SERF2: variants seen among roughly 807,000 people sequenced by gnomAD.
The protein encoded by SERF2 is small EDRK-rich factor 2.
In SERF2, 4 loss-of-function variants were observed where a neutral mutation model predicts 10.7. The ratio of observed to expected loss-of-function variants is 0.37; its 90% CI spans 0.18 to 0.86. SERF2 has a LOEUF of 0.86. SERF2 is among the 40% of genes least tolerant of loss of function. The pLI, the probability that SERF2 is intolerant of heterozygous loss-of-function variation, is 0.43. For synonymous variants in SERF2, 26 were observed against 26.0 expected, an observed-to-expected ratio of 1.00 and a Z score of 0.01; for missense variants, 47 against 79.1, an observed-to-expected ratio of 0.59 and a Z score of 1.54.
intron 1 of SERF2, among the ~76,000 whole-genome samples, chr15:43,779,400 A>G (rs1233440563): frequency 6.6e-6 from 1 of 152,194 alleles, no homozygotes; most frequent in East Asian, 1.9e-4. Flanking sequence ...GATAAATCTG[A>G]GGCTTAGAGA....
At chr15:43,792,455 C>G in intron 1 of SERF2, 72 bp downstream of exon 1, 1 of 1,612,844 alleles carries the variant, frequency 6.2e-7, no homozygotes, top group South Asian at 1.1e-5. Flanking sequence ...GAGGCGCCGG[C>G]TTTGACCTTC....
At chr15:43,783,008 CT>C (rs61152230) in intron 1 of SERF2, among the ~76,000 whole-genome samples, 1,136 of 99,798 alleles carry the variant, frequency 0.011, 11 homozygotes, top group African/African-American at 0.04. Context: ...CCACACCTGG[CT>C]TTTTTTTTTT....
At position 43,794,955 on chromosome 15, in the gene SERF2, C is replaced by T. The variant is rs746466410; in HGVS notation, c.*1182C>T. 6.0e-5 allele frequency: 90 copies of T among 1,506,760 alleles called. No individual in the cohort carries two copies. The highest frequency in any genetic ancestry group is 4.5e-6 in the Non-Finnish European group (5 of 1,103,770). The allele number at this position is 1,506,760 out of a possible 1,614,324, so 93.3% of individuals were successfully genotyped here. On this transcript the variant is annotated 3_prime_UTR_variant, in exon 3 of 3. Transcript: ENST00000249786. ...GGCTGGACAGCTCCCCTTGAGCCAA[C>T]TCTAGGAGTACAATGTCAGGGGAAC...
At chr15:43,781,242 C>G (rs1254694656) in intron 1 of SERF2, among the ~76,000 whole-genome samples, 1 of 152,120 alleles carries the variant, frequency 6.6e-6, no homozygotes, top group Non-Finnish European at 1.5e-5. Context: ...CTATTCAGAA[C>G]AGCACTCAAT....
chr15:43,783,440 G>A (rs767926290), intron 1 of SERF2, among the ~76,000 whole-genome samples: 3 of 152,020 alleles, frequency 2.0e-5, no homozygotes, highest in Non-Finnish European at 4.4e-5. Flanking sequence ...TGGGACTACA[G>A]GCATGTGCCA....
At chr15:43,781,894 C>CTT (rs34126146) in intron 1 of SERF2, among the ~76,000 whole-genome samples, 38 of 53,292 alleles carry the variant, frequency 7.1e-4, no homozygotes, top group South Asian at 1.4e-3. Flanking sequence ...ACTTCTTCTT[C>CTT]TTTTTTTTTT....
At chr15:43,792,565 G>C in intron 1 of SERF2, 182 bp downstream of exon 1, 2 of 1,478,154 alleles carry the variant, frequency 1.4e-6, no homozygotes, top group Non-Finnish European at 1.8e-6. Context: ...TACTTCACGG[G>C]ACCACCCTCC....
chr15:43,793,832 A>C lies in SERF2; in HGVS notation c.*59A>C. On this transcript the variant is annotated 3_prime_UTR_variant, in exon 3 of 3. Transcript: ENST00000249786. Reference sequence around the variant, plus strand: ...CGCCTGTGTGCCTGGAGCCAGTCCCACCACGCTCGCGTTTCCTCCTGTAGT... The same window carrying C: ...CGCCTGTGTGCCTGGAGCCAGTCCCCCCACGCTCGCGTTTCCTCCTGTAGT... 1 of 1,613,684 alleles carries C rather than the reference A, an allele frequency of 6.2e-7. No homozygotes were observed. The highest frequency in any genetic ancestry group is 8.5e-7 in the Non-Finnish European group (1 of 1,180,002).
At chr15:43,792,490 C>G (rs1046730741) in intron 1 of SERF2, 107 bp downstream of exon 1, 2 of 1,594,976 alleles carry the variant, frequency 1.3e-6, no homozygotes, top group Non-Finnish European at 1.7e-6. Context: ...CAAGGCGTTT[C>G]TCTGGGCGCG....
At chr15:43,792,817 C>G (rs986969230) in intron 1 of SERF2, 158 bp from the exon 2 acceptor site, 1 of 673,676 alleles carries the variant, frequency 1.5e-6, no homozygotes, top group East Asian at 2.8e-5. Flanking sequence ...ATTCGCCACT[C>G]CCCCCTACCC....
At chr15:43,791,153 A>C (rs531293657), upstream of SERF2, among the ~76,000 whole-genome samples, 5 of 151,360 alleles carry the variant, frequency 3.3e-5, no homozygotes, top group Middle Eastern at 6.8e-3. Flanking sequence ...GGCTCACTGC[A>C]AGCTCCATCT....
At chr15:43,785,935 A>C (rs1596034566) in intron 2 of SERF2, among the ~76,000 whole-genome samples, 1 of 150,782 alleles carries the variant, frequency 6.6e-6, no homozygotes, top group Non-Finnish European at 1.5e-5. Context: ...TGTACTCCTG[A>C]CCTCAAGTGA....
chr15:43,791,028 A>G (rs1349316866), upstream of SERF2, among the ~76,000 whole-genome samples: 1 of 149,644 alleles, frequency 6.7e-6, no homozygotes, highest in East Asian at 2.0e-4. Context: ...TCTGCCTCCC[A>G]AAGTGCTGGG....
At chr15:43,792,673 TC>T in intron 1 of SERF2, 1 of 1,301,936 alleles carries the variant, frequency 7.7e-7, no homozygotes, top group Non-Finnish European at 1.0e-6. Context: ...AGCCAGCCCA[TC>T]CCCCACGGAG....
Position 43,792,614 on chromosome 15 carries a change from AAGG to A in SERF2, c.7+234_7+236del, listed in dbSNP as rs1194912359. 39 of 1,434,634 alleles carry A rather than the reference AAGG, an allele frequency of 2.7e-5. No homozygotes were observed. The South Asian group carries it at 3.8e-4, about 14-fold the overall frequency. The allele number at this position is 1,434,634 out of a possible 1,614,324, so 88.9% of individuals were successfully genotyped here. A position where few individuals can be genotyped will look rare whatever the true frequency, so the allele number is the denominator to read the frequency against. Reference sequence around the variant, plus strand: ...GGCCCTCCCGGATCTTCCGCGGTGTAAGGAGAAGGCCAGCGCCCCTGTGATAGG... The same window carrying A: ...GGCCCTCCCGGATCTTCCGCGGTGTAAGAAGGCCAGCGCCCCTGTGATAGG... On this transcript the variant is annotated intron_variant, in intron 1 of 2. Coordinates refer to ENST00000249786, the MANE Select transcript of SERF2 (RefSeq NM_001018108.4).
At chr15:43,792,654 C>A in intron 1 of SERF2, 1 of 1,371,778 alleles carries the variant, frequency 7.3e-7, no homozygotes, top group Non-Finnish European at 9.6e-7. Context: ...CCAGAGCCCC[C>A]ACTCCACAAG....
At chr15:43,793,391 G>C in intron 2 of SERF2, 2 of 609,988 alleles carry the variant, frequency 3.3e-6, no homozygotes, top group Non-Finnish European at 2.8e-6. Flanking sequence ...CAGTACTTTT[G>C]GCCCTCCTTG....
At chr15:43,785,378 CTT>C (rs2086998352) in intron 1 of SERF2, 1 of 151,586 alleles carries the variant, frequency 6.6e-6, no homozygotes, top group African/African-American at 2.4e-5. Flanking sequence ...CTGAATGTTT[CTT>C]TCTTTCTTTT....
At position 43,796,057 on chromosome 15, in the gene SERF2, C is replaced by G; in HGVS notation, c.*2284C>G. The G allele has an allele frequency of 2.2e-6, 2 of 889,612 alleles. No individual in the cohort carries two copies. The highest frequency in any genetic ancestry group is 1.4e-5 in the South Asian group (1 of 71,158). The allele number at this position is 889,612 out of a possible 1,614,324, so 55.1% of individuals were successfully genotyped here. A position where few individuals can be genotyped will look rare whatever the true frequency, so the allele number is the denominator to read the frequency against. On this transcript the variant is annotated 3_prime_UTR_variant, in exon 3 of 3. Transcript: ENST00000249786. ...GGTACTCAATAAAAGGTAACAGCAG[C>G]TATAATCTGAGCATTCTGGGTAGAG...
Sources: gnomAD v4.1 joint callset for allele counts (sites outside exome capture counted in the v4.1 genomes callset) on GRCh38, gnomAD v4.1.1 for gene constraint, MANE v1.5 for transcripts, NCBI Gene and HGNC (gene_info 2026-07-23, HGNC 2026-07-21) for gene names.